The following SKAP2 variants were observed in gnomAD, a reference collection of about 807,000 sequenced individuals.
The protein encoded by SKAP2 is src kinase associated phosphoprotein 2.
SKAP2 carries 28 observed loss-of-function variants against 54.9 expected under a neutral mutation model. That is an observed-to-expected ratio of 0.51 (90% CI 0.38 to 0.70). The LOEUF (loss-of-function observed/expected upper bound fraction) is 0.70, where lower values mean the gene tolerates loss of function less well. Among genes scored for constraint, SKAP2 ranks in the 30% least tolerant of loss-of-function variants. The pLI, the probability that SKAP2 is intolerant of heterozygous loss-of-function variation, is 0.00. For synonymous variants in SKAP2, 137 were observed against 134.3 expected (o/e 1.02, Z -0.14); for missense variants, 356 against 424.1 (o/e 0.84, Z 1.41).
chr7:26,762,675 A>C (rs948815914), intron 4 of SKAP2, among the ~76,000 whole-genome samples: 3 of 152,152 alleles, frequency 2.0e-5, no homozygotes, highest in African/African-American at 7.2e-5. Context: ...ATCTCTACTA[A>C]AAATACAAAA....
chr7:26,777,682 T>C (rs1045320984), intron 4 of SKAP2, among the ~76,000 whole-genome samples: 3 of 152,082 alleles, frequency 2.0e-5, no homozygotes, highest in South Asian at 4.1e-4. Context: ...TTGTTTTACA[T>C]ACATAAACAG....
rs574562978 is a variant in SKAP2, at chr7:26,754,712, A to C, written c.308-14748T>G. On this transcript the variant is annotated intron_variant, in intron 4 of 12. Transcript: ENST00000345317. ...CTAACAACACACAACAACTGATGTA[A>C]CTTCATGTAAACAACCAGTGCTGTT... Among the ~76,000 whole-genome samples, 23 of 152,360 alleles carry C rather than the reference A, an allele frequency of 1.5e-4. No homozygotes were observed. In the South Asian group the frequency reaches 3.5e-3, roughly 23 times the overall value.
rs532002068 is a variant in SKAP2 at position 26,749,879 on chromosome 7, A to AGCACTATCAGTGG, written c.308-9928_308-9916dup. 2.3e-3 allele frequency among the ~76,000 whole-genome samples: 357 copies of AGCACTATCAGTGG among 152,106 alleles called. 4 individuals are homozygous for AGCACTATCAGTGG. The highest frequency in any genetic ancestry group is 8.4e-3 in the African/African-American group (348 of 41,522). ...ACTATAAGCTTAAATATGTTTTTTA[A>AGCACTATCAGTGG]GCACTATCAGTGGCATGATTACAAA... On this transcript the variant is annotated intron_variant, in intron 4 of 12. Coordinates refer to ENST00000345317, the MANE Select transcript of SKAP2 (RefSeq NM_003930.5).
intron 4 of SKAP2, among the ~76,000 whole-genome samples, chr7:26,784,665 G>A (rs1194963052): frequency 6.6e-6 from 1 of 152,164 alleles, no homozygotes; most frequent in African/African-American, 2.4e-5. Context: ...ATCAACACAG[G>A]CATCTTCTGT....
At chr7:26,768,104 T>C (rs919641858) in intron 4 of SKAP2, among the ~76,000 whole-genome samples, 10 of 152,182 alleles carry the variant, frequency 6.6e-5, no homozygotes, top group African/African-American at 2.2e-4. Flanking sequence ...AGTCTCTTTG[T>C]AGGTCTCTAA....
intron 7 of SKAP2, among the ~76,000 whole-genome samples, chr7:26,726,339 G>T (rs1787708453): frequency 6.6e-6 from 1 of 152,078 alleles, no homozygotes; most frequent in Non-Finnish European, 1.5e-5. Flanking sequence ...AAATGTTCTT[G>T]TCAGATTCCA....
At chr7:26,855,033 C>G (rs1213973010) in intron 1 of SKAP2, 143 bp from the exon 2 acceptor site, 1 of 560,542 alleles carries the variant, frequency 1.8e-6, no homozygotes, top group Non-Finnish European at 3.0e-6. Flanking sequence ...CAAAGCATAA[C>G]AGTTGAAGTG....
At chr7:26,695,164 T>G (rs917233489) in intron 9 of SKAP2, among the ~76,000 whole-genome samples, 1 of 152,198 alleles carries the variant, frequency 6.6e-6, no homozygotes, top group Non-Finnish European at 1.5e-5. Flanking sequence ...ATGATCACCT[T>G]TCTCACTAAA....
At position 26,796,963 on chromosome 7, in the gene SKAP2, G is replaced by C. The variant is rs542920208; in HGVS notation, c.307+47067C>G. Among the ~76,000 whole-genome samples the C allele has an allele frequency of 1.1e-4, 17 of 152,262 alleles. No individual in the cohort carries two copies. The South Asian group carries it at 3.5e-3, about 32-fold the overall frequency. On this transcript the variant is annotated intron_variant, in intron 4 of 12. Transcript: ENST00000345317. ...ACCATGAGCAGAGCACAAAACATTT[G>C]GGCAAATGGTCATAATAGGTTAAGA...
chr7:26,702,097 T>C (rs1278920337), intron 9 of SKAP2, among the ~76,000 whole-genome samples: 1 of 152,210 alleles, frequency 6.6e-6, no homozygotes, highest in Non-Finnish European at 1.5e-5. Flanking sequence ...ATTTATTTCC[T>C]ACATCCTTCT....
At chr7:26,780,473 C>G (rs1337383921) in intron 4 of SKAP2, among the ~76,000 whole-genome samples, 1 of 152,060 alleles carries the variant, frequency 6.6e-6, no homozygotes, top group Non-Finnish European at 1.5e-5. Flanking sequence ...CAACTACTTA[C>G]TTCTTTTGAA....
At chr7:26,835,360 GAGAA>G (rs1784685454) in intron 4 of SKAP2, among the ~76,000 whole-genome samples, 1 of 152,138 alleles carries the variant, frequency 6.6e-6, no homozygotes, top group South Asian at 2.1e-4. Flanking sequence ...AATCAGGCAA[GAGAA>G]AGAAATAAGG....
chr7:26,708,974 T>C (rs1787236193), intron 9 of SKAP2, among the ~76,000 whole-genome samples: 1 of 152,242 alleles, frequency 6.6e-6, no homozygotes, highest in Non-Finnish European at 1.5e-5. Context: ...TCTTTTTCAG[T>C]TGATTTATTA....
At chr7:26,747,438 G>A (rs1439635390) in intron 4 of SKAP2, among the ~76,000 whole-genome samples, 1 of 151,946 alleles carries the variant, frequency 6.6e-6, no homozygotes, top group Non-Finnish European at 1.5e-5. Context: ...ACAACTCAAG[G>A]GTTTAACATC....
chr7:26,689,926 T>G (rs1488004975), intron 10 of SKAP2, among the ~76,000 whole-genome samples: 2 of 152,206 alleles, frequency 1.3e-5, no homozygotes, highest in African/African-American at 4.8e-5. Context: ...TCTTATAGGT[T>G]TGACAGCAAC....
chr7:26,701,979 T>C (rs1036164151), intron 9 of SKAP2, among the ~76,000 whole-genome samples: 1 of 152,124 alleles, frequency 6.6e-6, no homozygotes, highest in African/African-American at 2.4e-5. Flanking sequence ...CAAATGTGTG[T>C]GGGTAATGGG....
At chr7:26,687,748 A>T (rs945429374) in intron 10 of SKAP2, among the ~76,000 whole-genome samples, 1 of 151,606 alleles carries the variant, frequency 6.6e-6, no homozygotes, top group Non-Finnish European at 1.5e-5. Flanking sequence ...CAGGTTTGCA[A>T]AAGTTAACAC....
chr7:26,705,609 C>T (rs1297026167), intron 9 of SKAP2, among the ~76,000 whole-genome samples: 1 of 152,200 alleles, frequency 6.6e-6, no homozygotes, highest in East Asian at 1.9e-4. Context: ...TCATATGACC[C>T]TTTACTTAGC....
chr7:26,697,821 T>C (rs991209995), intron 9 of SKAP2, among the ~76,000 whole-genome samples: 5 of 152,176 alleles, frequency 3.3e-5, no homozygotes, highest in African/African-American at 1.2e-4. Flanking sequence ...CAGCTACTGG[T>C]TTTTCTTAAT....
Sources: gnomAD v4.1 joint callset for allele counts (sites outside exome capture counted in the v4.1 genomes callset) on GRCh38, gnomAD v4.1.1 for gene constraint, MANE v1.5 for transcripts, NCBI Gene and HGNC (gene_info 2026-07-23, HGNC 2026-07-21) for gene names.